CABLES2: variants seen among roughly 807,000 people sequenced by gnomAD.
The protein encoded by CABLES2 is CDK5 and ABL1 enzyme substrate 2.
In CABLES2, 35 loss-of-function variants were observed where a neutral mutation model predicts 44.8. The ratio of observed to expected loss-of-function variants is 0.78; its 90% CI spans 0.60 to 1.04. The LOEUF (loss-of-function observed/expected upper bound fraction) is 1.04. CABLES2 is among the 50% of genes least tolerant of loss of function. The pLI is 0.00. For synonymous variants in CABLES2, 282 were observed against 281.1 expected, an observed-to-expected ratio of 1.00 and a Z score of -0.03; for missense variants, 566 against 615.7, an observed-to-expected ratio of 0.92 and a Z score of 0.85.
intron 1 of CABLES2, among the ~76,000 whole-genome samples, chr20:62,398,071 C>CGGTGGT (rs71195454): frequency 2.9e-5 from 2 of 68,300 alleles, no homozygotes; most frequent in Non-Finnish European, 5.4e-5. Context: ...GTGGTGGTGA[C>CGGTGGT]GGTGGTGGTG....
rs1429640918 is a variant in CABLES2 at position 62,391,092 on chromosome 20, C to G, written c.1316G>C (p.Arg439Pro). The G allele has an allele frequency of 2.5e-6, 4 of 1,613,966 alleles. No individual in the cohort carries two copies. The highest frequency in any genetic ancestry group is 1.7e-5 in the Admixed American group (1 of 60,010). The change falls in exon 10 of 10, where the codon CGA (arginine) becomes CCA (proline). Residue 439 changes from arginine (R) to proline (P), a missense_variant. Coordinates refer to ENST00000279101, the MANE Select transcript of CABLES2 (RefSeq NM_031215.3). The surrounding 1 kb of genome is among the most constrained non-coding windows in gnomAD (Gnocchi z 5.7). ...QLIDKLEERFRFNRRDLIGFE... is the reference protein window; with the variant it reads ...QLIDKLEERFPFNRRDLIGFE... The stretch of plus-strand genomic sequence containing the variant: ...CCCTATCAGGTCGCGCCTGTTGAAT[C>G]GAAACCTTTCTTCTAACTTCTGCAG...
At chr20:62,392,654 G>A (rs112050678) in intron 7 of CABLES2, among the ~76,000 whole-genome samples, 159 bp from the exon 8 acceptor site, 148 of 152,340 alleles carry the variant, frequency 9.7e-4, no homozygotes, top group African/African-American at 3.5e-3. Flanking sequence ...GCTCAAGAGA[G>A]AGAACTCCAG....
At position 62,390,589 on chromosome 20, in the gene CABLES2, G is replaced by A. The variant is rs972135970; in HGVS notation, c.*382C>T. 2 of 229,804 alleles carry A rather than the reference G, an allele frequency of 8.7e-6. No individual in the cohort carries two copies. The highest frequency in any genetic ancestry group is 9.4e-5 in the East Asian group (1 of 10,628). The allele number at this position is 229,804 out of a possible 1,614,324, so 14.2% of individuals were successfully genotyped here. On this transcript the variant is annotated 3_prime_UTR_variant, in exon 10 of 10. Transcript: ENST00000279101. ...TCCACCCTGACGCTGTGGTGGCTGC[G>A]GTGGTTTGCAGAAGGCGAGGCCAGG...
At position 62,389,434 on chromosome 20, in the gene CABLES2, A is replaced by T. The variant is rs1245494180; in HGVS notation, c.*1537T>A. 6.6e-6 allele frequency: 1 copy of T among 152,286 alleles called. No homozygotes were observed. The highest frequency in any genetic ancestry group is 2.4e-5 in the African/African-American group (1 of 41,444). 9.4% of individuals were successfully genotyped at this position (152,286 alleles called of 1,614,324 possible). On this transcript the variant is annotated 3_prime_UTR_variant, in exon 10 of 10. Transcript: ENST00000279101. ...CCCCAGTGAGTGGCTGTGGAAAAGG[A>T]GGAGGGCCAGGTGGGTGCTGGCAGC...
intron 3 of CABLES2, among the ~76,000 whole-genome samples, chr20:62,395,666 G>A (rs535857360): frequency 4.6e-5 from 7 of 152,346 alleles, no homozygotes; most frequent in African/African-American, 1.2e-4. Flanking sequence ...CTTGGATGAC[G>A]GGAGCCAGGG....
intron 3 of CABLES2, among the ~76,000 whole-genome samples, chr20:62,395,239 C>A (rs1028015028): frequency 3.3e-5 from 5 of 152,244 alleles, no homozygotes; most frequent in African/African-American, 1.2e-4. Flanking sequence ...ACAGGAGCTA[C>A]CGGGGTTCCC....
At chr20:62,398,070 A>ATGGTGGTGG (rs1569017462) in intron 1 of CABLES2, among the ~76,000 whole-genome samples, 313 of 28,880 alleles carry the variant, frequency 0.011, 8 homozygotes, top group Non-Finnish European at 0.014. Context: ...GGTGGTGGTG[A>ATGGTGGTGG]CGGTGGTGGT....
chr20:62,398,504 T>C (rs1371677242), intron 1 of CABLES2, among the ~76,000 whole-genome samples: 1 of 152,188 alleles, frequency 6.6e-6, no homozygotes, highest in East Asian at 1.9e-4. Flanking sequence ...CAATCTGGAC[T>C]CCGGGCCAAG....
At chr20:62,393,170 T>C (rs1987952132) in intron 6 of CABLES2, 147 bp from the exon 7 acceptor site, 2 of 770,240 alleles carry the variant, frequency 2.6e-6, no homozygotes, top group Non-Finnish European at 4.2e-6. Flanking sequence ...GCCCAGGGCT[T>C]AGGGCAAGAA....
chr20:62,406,834 C>T (rs1210116586), intron 1 of CABLES2, 81 bp downstream of exon 1: 13 of 811,528 alleles, frequency 1.6e-5, no homozygotes, highest in Non-Finnish European at 2.0e-5. Context: ...TAATCCTGAC[C>T]CCTAGTCCTG....
rs1569017988 is a variant in CABLES2 at position 62,398,261 on chromosome 20, ATGGTG to A, written c.363-1674_363-1670del. On this transcript the variant is annotated intron_variant, in intron 1 of 9. Coordinates refer to ENST00000279101, the MANE Select transcript of CABLES2 (RefSeq NM_031215.3). ...GGTGATGATGGTGATGGTGGTGGTG[ATGGTG>A]ATGGCGGTGGTGGTGGTGGTGATGG... is the stretch of plus-strand genomic sequence containing the variant. Among the ~76,000 whole-genome samples the A allele has an allele frequency of 1.4e-4, 9 of 63,248 alleles. No homozygotes were observed. The East Asian group carries it at 3.6e-3, about 25-fold the overall frequency. 41.5% of individuals were successfully genotyped at this position (63,248 alleles called of 152,430 possible).
rs1286344895 is a variant in CABLES2 at position 62,407,225 on chromosome 20, C to G, written c.52G>C (p.Gly18Arg). The change falls in exon 1 of 10, where the codon GGG (glycine) becomes CGG (arginine). Residue 18 changes from glycine to arginine, a missense_variant. Physicochemically the swap from Gly to Arg is moderately radical, Grantham distance 125. This residue lies in a region of CABLES2 where 130 missense variants were observed against 79.4 expected (regional missense o/e 1.64). Coordinates refer to ENST00000279101, the MANE Select transcript of CABLES2 (RefSeq NM_031215.3). ...GTCGGCGCGGCGGGTGGCGGGGGCC[C>G]GGCGGGGCCGGGGGCCGGGCCCGGG... Reference protein sequence around the residue: ...GAPGPAPGPAGPPPPAAPTSA... With the variant: ...GAPGPAPGPARPPPPAAPTSA... The G allele has an allele frequency of 3.3e-6, 3 of 915,514 alleles. No homozygotes were observed. The highest frequency in any genetic ancestry group is 1.8e-5 in the African/African-American group (1 of 54,712). The allele number at this position is 915,514 out of a possible 1,614,324, so 56.7% of individuals were successfully genotyped here.
intron 4 of CABLES2, among the ~76,000 whole-genome samples, chr20:62,394,562 A>ACCACTGTTTT (rs1322167181): frequency 1.3e-5 from 2 of 152,014 alleles, no homozygotes; most frequent in Non-Finnish European, 2.9e-5. Flanking sequence ...AGGTTTCTCC[A>ACCACTGTTTT]CCACTGTTTT....
At chr20:62,398,058 A>ATGGTGGTGATGGTGG (rs1569017439) in intron 1 of CABLES2, among the ~76,000 whole-genome samples, 1 of 77,198 alleles carries the variant, frequency 1.3e-5, no homozygotes, top group Non-Finnish European at 2.5e-5. Context: ...GGTGATGGCG[A>ATGGTGGTGATGGTGG]TGGTGGTGGT....
In CABLES2 at chr20:62,401,226, A is replaced by G. The variant is rs967868883; in HGVS notation, c.363-4634T>C. On this transcript the variant is annotated intron_variant, in intron 1 of 9. Transcript: ENST00000279101. Reference sequence around the variant, plus strand: ...GGTTTGAGTCCACAAGACTCTGACAATGCTGAAGGAGGTGCCTGCACATGG... The same window carrying G: ...GGTTTGAGTCCACAAGACTCTGACAGTGCTGAAGGAGGTGCCTGCACATGG... Among the ~76,000 whole-genome samples, 5 of 152,350 alleles carry G rather than the reference A, an allele frequency of 3.3e-5. No homozygotes were observed. In the East Asian group the frequency reaches 7.7e-4, roughly 24 times the overall value.
At chr20:62,394,865 G>A (rs1186854147) in intron 4 of CABLES2, 72 bp downstream of exon 4, 2 of 1,429,088 alleles carry the variant, frequency 1.4e-6, no homozygotes, top group Non-Finnish European at 1.9e-6. Context: ...ATGCCTCCTG[G>A]GCCTGGCCGA....
At chr20:62,398,340 T>C (rs1472783756) in intron 1 of CABLES2, among the ~76,000 whole-genome samples, 5 of 149,382 alleles carry the variant, frequency 3.3e-5, no homozygotes, top group Non-Finnish European at 6.0e-5. Context: ...ACGATGGTGG[T>C]GATGGTGATG....
At chr20:62,395,147 G>T (rs1284763026) in intron 3 of CABLES2, 133 bp from the exon 4 acceptor site, 3 of 723,166 alleles carry the variant, frequency 4.1e-6, no homozygotes, top group Non-Finnish European at 7.0e-6. Context: ...TGCCCATGCT[G>T]TCCAAGGGGA....
Position 62,406,922 on chromosome 20 carries a change from G to A in CABLES2, c.355C>T (p.Arg119Cys). The A allele has an allele frequency of 8.2e-7, 1 of 1,219,358 alleles. No homozygotes were observed. The highest frequency in any genetic ancestry group is 1.0e-6 in the Non-Finnish European group (1 of 978,946). The allele number at this position is 1,219,358 out of a possible 1,614,324, so 75.5% of individuals were successfully genotyped here. ...GGCCGGGCCCCCACTCACCTCTGGCGCTGCCCATCCAGGCCGAGGCCGGTG... is the reference window on the plus strand; with the variant it reads ...GGCCGGGCCCCCACTCACCTCTGGCACTGCCCATCCAGGCCGAGGCCGGTG... ...VPTGLGLDGQ[R>C]QRKRVTSQRC... The change falls in exon 1 of 10, where the codon CGC becomes TGC. Residue 119 changes from arginine to cysteine, a missense_variant. By Grantham distance (180) the Arg-to-Cys change is radical. Coordinates refer to ENST00000279101, the MANE Select transcript of CABLES2 (RefSeq NM_031215.3).
Sources: allele counts gnomAD v4.1 joint callset (sites outside exome capture counted in the v4.1 genomes callset), GRCh38; gene constraint gnomAD v4.1.1; regional missense constraint gnomAD v4.1.1; non-coding constraint Gnocchi (gnomAD v3.1); transcripts MANE v1.5; gene names NCBI Gene and HGNC (gene_info 2026-07-23, HGNC 2026-07-21).